The following GLP1R variants were observed in gnomAD, a reference collection of about 807,000 sequenced individuals.
GLP1R encodes the protein glucagon-like peptide 1 receptor.
In GLP1R, 32 loss-of-function variants were observed where a neutral mutation model predicts 68.4. That is an observed-to-expected ratio of 0.47 (90% confidence interval 0.35 to 0.63). GLP1R has a LOEUF of 0.63. GLP1R is among the 20% of genes least tolerant of loss of function. GLP1R has a pLI of 0.00. For missense variants in GLP1R, 502 were observed against 594.9 expected (o/e 0.84, Z 1.62); for synonymous variants, 263 against 244.4 (o/e 1.08, Z -0.71).
Position 39,065,828 on chromosome 6 carries a change from G to C in GLP1R, c.401G>C (p.Arg134Thr), listed in dbSNP as rs1292437179. 4.5e-6 allele frequency: 7 copies of C among 1,560,446 alleles called. No homozygotes were observed. Among genetic ancestry groups the C allele is most frequent in the Non-Finnish European group, 6.2e-6 (7 of 1,133,282 alleles). Residue 134 changes from arginine (R) to threonine (T), a missense_variant and splice_region_variant, in exon 4 of 13, where the codon AGA becomes ACA. Transcript: ENST00000373256. The stretch of plus-strand genomic sequence containing the variant: ...TGCGAGGAGTCCAAGCGAGGGGAAA[G>C]AGTGAGTTGAGGCGGGGTTCTGAGC... ...SECEESKRGE[R>T]SSPEEQLLFL...
intron 5 of GLP1R, among the ~76,000 whole-genome samples, chr6:39,068,694 G>A (rs7341358): frequency 0.45 from 69,133 of 152,062 alleles, 16,394 homozygotes; most frequent in Non-Finnish European, 0.51. Context: ...CACTTGAGCC[G>A]CAGCTAGGGT....
intron 1 of GLP1R, among the ~76,000 whole-genome samples, chr6:39,051,170 A>C (rs1768079139): frequency 6.6e-6 from 1 of 152,184 alleles, no homozygotes; most frequent in African/African-American, 2.4e-5. Flanking sequence ...AACTGGATTC[A>C]AATATAGGGT....
At chr6:39,072,233 T>G (rs1438072587) in intron 5 of GLP1R, among the ~76,000 whole-genome samples, 1 of 152,210 alleles carries the variant, frequency 6.6e-6, no homozygotes, top group Non-Finnish European at 1.5e-5. Flanking sequence ...CTTATTATAG[T>G]GGGCAGGATC....
chr6:39,050,602 TGA>T (rs1474366668), intron 1 of GLP1R, among the ~76,000 whole-genome samples: 1 of 152,036 alleles, frequency 6.6e-6, no homozygotes, highest in Non-Finnish European at 1.5e-5. Flanking sequence ...AGGGGAGCTT[TGA>T]GGGGGTGCTC....
intron 7 of GLP1R, among the ~76,000 whole-genome samples, chr6:39,075,786 G>T (rs1438933745): frequency 6.6e-6 from 1 of 152,218 alleles, no homozygotes; most frequent in Non-Finnish European, 1.5e-5. Context: ...TGACACAGTT[G>T]GAGAGGTCCC....
chr6:39,081,006 G>A (rs1768996304), intron 12 of GLP1R, among the ~76,000 whole-genome samples: 2 of 151,792 alleles, frequency 1.3e-5, no homozygotes, highest in African/African-American at 4.8e-5. Flanking sequence ...CATGTTAAGG[G>A]GATCCTGAAT....
At position 39,073,705 on chromosome 6, in the gene GLP1R, A is replaced by G. The variant is rs202220991; in HGVS notation, c.759A>G (p.Thr253=). 1 of 1,613,694 alleles carries G rather than the reference A, an allele frequency of 6.2e-7. No homozygotes were observed. Among genetic ancestry groups the G allele is most frequent in the South Asian group, 1.1e-5 (1 of 91,066 alleles). ...TGGTGGAGGGCGTGTACCTGTACAC[A>G]CTGCTGGCCTTCTCGGTCTTATCTG... is the stretch of plus-strand genomic sequence containing the variant. ...WLLVEGVYLY[T]LLAFSVLSEQ... is the part of the protein sequence containing the mutation. The change falls in exon 7 of 13, where the codon ACA becomes ACG. Residue 253 remains threonine, a synonymous_variant. Transcript: ENST00000373256.
Position 39,088,277 on chromosome 6 carries a change from C to T in GLP1R, c.*2204C>T, listed in dbSNP as rs1769199997. Among the ~76,000 whole-genome samples the T allele has an allele frequency of 6.6e-6, 1 of 152,032 alleles. No individual in the cohort carries two copies. ...CCGAACTGAAGAAATCTTTTCTTTG[C>T]TCCAACCCCCGCTCCCCCGGCCCCC... On this transcript the variant is annotated 3_prime_UTR_variant, in exon 13 of 13. Coordinates refer to ENST00000373256, the MANE Select transcript of GLP1R (RefSeq NM_002062.5).
intron 3 of GLP1R, among the ~76,000 whole-genome samples, chr6:39,057,894 T>C (rs1256720776): frequency 2.7e-5 from 4 of 150,214 alleles, no homozygotes; most frequent in Admixed American, 6.7e-5. Flanking sequence ...AGTGGTGAGC[T>C]CCCTCCCCCA....
At chr6:39,080,352 C>T (rs1768967288) in intron 11 of GLP1R, among the ~76,000 whole-genome samples, 1 of 152,162 alleles carries the variant, frequency 6.6e-6, no homozygotes, top group Non-Finnish European at 1.5e-5. Context: ...AGTCATTGTA[C>T]TTCACTGGAT....
chr6:39,064,847 GT>G (rs374137912), intron 3 of GLP1R, among the ~76,000 whole-genome samples: 17 of 152,152 alleles, frequency 1.1e-4, no homozygotes, highest in African/African-American at 3.6e-4. Context: ...GGTCTTTTTT[GT>G]TTTTTCTGTG....
rs1769208320 is a variant in GLP1R, at chr6:39,088,632, T to C, written c.*2559T>C. Among the ~76,000 whole-genome samples the C allele has an allele frequency of 6.6e-6, 1 of 152,214 alleles. No homozygotes were observed. On this transcript the variant is annotated 3_prime_UTR_variant, in exon 13 of 13. Transcript: ENST00000373256. ...AAACTTGTTAGTGGCTTGCATTTTG[T>C]CAATTTTTCTTTGCCATTTCAGTCT...
intron 3 of GLP1R, among the ~76,000 whole-genome samples, chr6:39,060,087 C>T (rs1768319997): frequency 6.6e-6 from 1 of 152,190 alleles, no homozygotes; most frequent in Non-Finnish European, 1.5e-5. Context: ...GTTACGGATG[C>T]TCAGAGACAA....
In GLP1R at chr6:39,059,213, T is replaced by C. The variant is rs371387566; in HGVS notation, c.283+1634T>C. Among the ~76,000 whole-genome samples the C allele has an allele frequency of 8.6e-4, 131 of 152,332 alleles. 1 individual carries two copies. Among genetic ancestry groups the C allele is most frequent in the Non-Finnish European group, 1.1e-3 (72 of 68,016 alleles). ...GGAAGCACTTTCCGTGCTACACTCT[T>C]TTCATCCTCACAACCCTCTGAGGCA... On this transcript the variant is annotated intron_variant, in intron 3 of 12. Coordinates refer to ENST00000373256, the MANE Select transcript of GLP1R (RefSeq NM_002062.5).
intron 1 of GLP1R, among the ~76,000 whole-genome samples, chr6:39,050,702 G>A (rs35652781): frequency 1.3e-5 from 2 of 152,162 alleles, no homozygotes; most frequent in South Asian, 4.1e-4. Flanking sequence ...AACATCATGC[G>A]TGCTTATAAG....
chr6:39,055,765 G>A (rs1410527516), intron 1 of GLP1R, among the ~76,000 whole-genome samples: 1 of 152,166 alleles, frequency 6.6e-6, no homozygotes, highest in Non-Finnish European at 1.5e-5. Flanking sequence ...AAGTGAGTGC[G>A]TTTTGGAGGA....
At chr6:39,052,191 T>C (rs1768104118) in intron 1 of GLP1R, among the ~76,000 whole-genome samples, 1 of 152,020 alleles carries the variant, frequency 6.6e-6, no homozygotes, top group Admixed American at 6.6e-5. Flanking sequence ...GTAGTATTCC[T>C]TTTCCTGTCC....
chr6:39,053,635 A>G (rs941181779), intron 1 of GLP1R, among the ~76,000 whole-genome samples: 3 of 152,128 alleles, frequency 2.0e-5, no homozygotes, highest in African/African-American at 7.2e-5. Context: ...CAGCCATCCC[A>G]TGGGGGAGGG....
chr6:39,059,987 A>G lies in GLP1R; in HGVS notation c.283+2408A>G, dbSNP rs187663834. Among the ~76,000 whole-genome samples the G allele has an allele frequency of 6.6e-4, 99 of 151,142 alleles. No individual in the cohort carries two copies. In the East Asian group the frequency reaches 0.018, roughly 28 times the overall value. ...CAGGCCCCCTGCCAGCCTTTCCCCA[A>G]CCCCGTCCCCCTGCCACTCACCAGG... On this transcript the variant is annotated intron_variant, in intron 3 of 12. Transcript: ENST00000373256.
Sources: gnomAD v4.1 joint callset for allele counts (sites outside exome capture counted in the v4.1 genomes callset) on GRCh38, gnomAD v4.1.1 for gene constraint, MANE v1.5 for transcripts, NCBI Gene and HGNC (gene_info 2026-07-23, HGNC 2026-07-21) for gene names.